The following XDH variants were observed in gnomAD, a reference collection of about 807,000 sequenced individuals.
The protein encoded by XDH is xanthine dehydrogenase/oxidase.
In XDH, 138 loss-of-function variants were observed where a neutral mutation model predicts 156.1. The ratio of observed to expected loss-of-function variants is 0.88; its 90% CI spans 0.77 to 1.02. The LOEUF is 1.02. XDH is among the 50% of genes least tolerant of loss of function. XDH has a pLI of 0.00. For missense variants in XDH, 1,849 were observed against 1,684.9 expected (o/e 1.10, Z -1.71); for synonymous variants, 669 against 625.7 (o/e 1.07, Z -1.03).
intron 1 of XDH, among the ~76,000 whole-genome samples, chr2:31,412,645 A>G (rs1238136010): frequency 2.6e-5 from 4 of 152,180 alleles, no homozygotes; most frequent in Non-Finnish European, 5.9e-5. Context: ...AAAAAAAAAG[A>G]GTCACTAAGT....
At position 31,344,674 on chromosome 2, in the gene XDH, C is replaced by T. The variant is rs773067358; in HGVS notation, c.3404+10G>A. Reference sequence around the variant, plus strand: ...CACTATGAGCTGGGCAAGGACAACACCATACTTACCTATAAAACCCAGTGG... The same window carrying T: ...CACTATGAGCTGGGCAAGGACAACATCATACTTACCTATAAAACCCAGTGG... On this transcript the variant is annotated intron_variant, in intron 31 of 35. Transcript: ENST00000379416. 4.3e-6 allele frequency: 7 copies of T among 1,614,074 alleles called. No homozygotes were observed. Among genetic ancestry groups the T allele is most frequent in the Non-Finnish European group, 5.9e-6 (7 of 1,180,030 alleles).
chr2:31,340,309 G>T (rs575000307), intron 33 of XDH, among the ~76,000 whole-genome samples: 7 of 152,144 alleles, frequency 4.6e-5, no homozygotes. Context: ...ACCATAAATG[G>T]TTGTTCAATG....
At chr2:31,373,845 A>G in intron 16 of XDH, 28 bp downstream of exon 16, 1 of 1,612,350 alleles carries the variant, frequency 6.2e-7, no homozygotes, top group Non-Finnish European at 8.5e-7. Flanking sequence ...AAGTCCCCTG[A>G]TATTAGCCAT....
intron 6 of XDH, among the ~76,000 whole-genome samples, chr2:31,395,600 C>T (rs1456543758): frequency 2.0e-5 from 3 of 151,892 alleles, no homozygotes; most frequent in South Asian, 2.1e-4. Flanking sequence ...GTAGAGCACC[C>T]GCTCCATGAC....
chr2:31,336,112 G>T, intron 35 of XDH, 104 bp from the exon 36 acceptor site: 1 of 1,224,946 alleles, frequency 8.2e-7, no homozygotes, highest in Non-Finnish European at 1.2e-6. Flanking sequence ...TCATTCCAAG[G>T]CCAAGCACCA....
intron 24 of XDH, among the ~76,000 whole-genome samples, chr2:31,353,833 G>T (rs192983306): frequency 1.2e-3 from 180 of 152,268 alleles, no homozygotes; most frequent in Non-Finnish European, 2.2e-3. Context: ...CATTCATGAG[G>T]CTGTTATGAG....
At chr2:31,414,381 C>A (rs1687419520) in intron 1 of XDH, among the ~76,000 whole-genome samples, 1 of 151,858 alleles carries the variant, frequency 6.6e-6, no homozygotes, top group Admixed American at 6.6e-5. Context: ...TCACAGATGC[C>A]TCTCTGCTTG....
chr2:31,391,990 T>G (rs1686778050), intron 6 of XDH, among the ~76,000 whole-genome samples: 1 of 152,238 alleles, frequency 6.6e-6, no homozygotes, highest in African/African-American at 2.4e-5. Flanking sequence ...TCTTCAATAG[T>G]TATAGGCCTA....
chr2:31,405,768 G>T, intron 2 of XDH, 139 bp downstream of exon 2: 1 of 869,458 alleles, frequency 1.2e-6, no homozygotes, highest in Non-Finnish European at 1.9e-6. Flanking sequence ...TAAAATGCAA[G>T]TGTCCCAAGT....
At chr2:31,383,908 A>G in intron 9 of XDH, 61 bp from the exon 10 acceptor site, 1 of 1,483,132 alleles carries the variant, frequency 6.7e-7, no homozygotes, top group Non-Finnish European at 9.3e-7. Flanking sequence ...GGCAGGCCTT[A>G]GCAGCTTTTC....
Position 31,388,229 on chromosome 2 carries a change from A to G in XDH, c.562T>C (p.Ser188Pro). Residue 188 changes from serine (S) to proline (P), a missense_variant and splice_region_variant, in exon 7 of 36, where the codon TCA becomes CCA. Transcript: ENST00000379416. Reference protein sequence around the residue: ...NCCMNQKKDHSVSLSPSLFKP... With the variant: ...NCCMNQKKDHPVSLSPSLFKP... Reference sequence around the variant, plus strand: ...CAGGGGGAGAAGAACTCACTTACTGAGTGGTCTTTCTTCTGGTTCATGCAG... The same window carrying G: ...CAGGGGGAGAAGAACTCACTTACTGGGTGGTCTTTCTTCTGGTTCATGCAG... 1 of 1,614,146 alleles carries G rather than the reference A, an allele frequency of 6.2e-7. No individual in the cohort carries two copies. The highest frequency in any genetic ancestry group is 8.5e-7 in the Non-Finnish European group (1 of 1,180,008).
intron 31 of XDH, among the ~76,000 whole-genome samples, chr2:31,343,851 T>C (rs1572511800): frequency 6.9e-6 from 1 of 144,268 alleles, no homozygotes; most frequent in East Asian, 1.9e-4. Context: ...TTCATATACA[T>C]ACGGAAAATA....
In XDH at chr2:31,391,764, C is replaced by T. The variant is rs182152351; in HGVS notation, c.496-3469G>A. On this transcript the variant is annotated intron_variant, in intron 6 of 35. Coordinates refer to ENST00000379416, the MANE Select transcript of XDH (RefSeq NM_000379.4). ...TTTGTTGGAGAGTATTAATGTAAAA[C>T]GTAAATGATAATGTGTTTTGAATTT... 2.3e-3 allele frequency among the ~76,000 whole-genome samples: 354 copies of T among 152,192 alleles called. 10 individuals carry two copies. The highest frequency in any genetic ancestry group is 5.6e-4 in the Non-Finnish European group (38 of 68,008).
chr2:31,378,122 G>T (rs1323196150), intron 13 of XDH, among the ~76,000 whole-genome samples: 1 of 46,722 alleles, frequency 2.1e-5, no homozygotes, highest in Admixed American at 2.4e-4. Context: ...AAGGAAGGAA[G>T]GAAGGAAGGA....
intron 1 of XDH, among the ~76,000 whole-genome samples, chr2:31,409,689 C>T (rs1337310274): frequency 2.0e-5 from 3 of 152,212 alleles, no homozygotes; most frequent in African/African-American, 7.2e-5. Flanking sequence ...GATTTCACCT[C>T]ATACCCATTA....
intron 1 of XDH, 34 bp from the exon 2 acceptor site, chr2:31,405,998 G>A (rs1553313182): frequency 6.2e-7 from 1 of 1,603,812 alleles, no homozygotes; most frequent in Admixed American, 1.7e-5. Context: ...ATATATCATA[G>A]GTATACTTAG....
chr2:31,347,451 C>T, intron 29 of XDH, 71 bp downstream of exon 29: 1 of 1,608,556 alleles, frequency 6.2e-7, no homozygotes, highest in South Asian at 1.1e-5. Context: ...CTAGCTCCCA[C>T]CCAGGGAGAC....
In XDH at chr2:31,344,751, T is replaced by C. The variant is rs1336699003; in HGVS notation, c.3352-15A>G. ...GCAGCTGTGACCTGAGGAGAGGAGATGGCCATCAGGCAGGTGAAGTGAGGT... is the reference window on the plus strand; with the variant it reads ...GCAGCTGTGACCTGAGGAGAGGAGACGGCCATCAGGCAGGTGAAGTGAGGT... On this transcript the variant is annotated splice_polypyrimidine_tract_variant and intron_variant, in intron 30 of 35. Transcript: ENST00000379416. 6.2e-7 allele frequency: 1 copy of C among 1,613,862 alleles called. No individual in the cohort carries two copies. Among genetic ancestry groups the C allele is most frequent in the Non-Finnish European group, 8.5e-7 (1 of 1,179,994 alleles).
chr2:31,404,115 C>T (rs1040931850), intron 2 of XDH, among the ~76,000 whole-genome samples: 1 of 152,178 alleles, frequency 6.6e-6, no homozygotes, highest in Non-Finnish European at 1.5e-5. Context: ...CAAGAGGTAA[C>T]GTGGGCCACA....
Sources: allele counts gnomAD v4.1 joint callset (sites outside exome capture counted in the v4.1 genomes callset), GRCh38; gene constraint gnomAD v4.1.1; transcripts MANE v1.5; gene names NCBI Gene and HGNC (gene_info 2026-07-23, HGNC 2026-07-21).